TTC27: variants seen among roughly 807,000 people sequenced by gnomAD.
TTC27 encodes the protein tetratricopeptide repeat protein 27.
A neutral mutation model predicts 115.9 loss-of-function variants in TTC27; 79 were observed. That is an observed-to-expected ratio of 0.68 (90% CI 0.57 to 0.82). The LOEUF (loss-of-function observed/expected upper bound fraction) is 0.82. Among genes scored for constraint, TTC27 ranks in the 40% least tolerant of loss-of-function variants. The pLI is 0.00. For synonymous variants in TTC27, 401 were observed against 356.0 expected, an observed-to-expected ratio of 1.13 and a Z score of -1.42; for missense variants, 1,054 against 993.1, an observed-to-expected ratio of 1.06 and a Z score of -0.82.
At chr2:32,785,474 C>T (rs1362348117) in intron 15 of TTC27, among the ~76,000 whole-genome samples, 1 of 148,164 alleles carries the variant, frequency 6.7e-6, no homozygotes, top group Non-Finnish European at 1.5e-5. Context: ...ATTCTTTCCT[C>T]TCTTTCCAGC....
intron 12 of TTC27, among the ~76,000 whole-genome samples, chr2:32,744,293 T>TA (rs959135135): frequency 1.3e-5 from 2 of 152,214 alleles, no homozygotes; most frequent in African/African-American, 4.8e-5. Context: ...ACACTTTTAA[T>TA]AAAAAATCCA....
chr2:32,717,385 G>A (rs1035506569), intron 10 of TTC27, among the ~76,000 whole-genome samples: 3 of 152,196 alleles, frequency 2.0e-5, no homozygotes, highest in Admixed American at 2.0e-4. Context: ...GACCCATGGA[G>A]AAGGAAATGC....
intron 6 of TTC27, among the ~76,000 whole-genome samples, chr2:32,665,722 C>G (rs1559195369): frequency 6.6e-6 from 1 of 151,978 alleles, no homozygotes; most frequent in Non-Finnish European, 1.5e-5. Flanking sequence ...GCAAAACCCG[C>G]CTCACTAAAA....
At chr2:32,746,849 A>C (rs1668849975) in intron 12 of TTC27, among the ~76,000 whole-genome samples, 2 of 152,184 alleles carry the variant, frequency 1.3e-5, no homozygotes, top group Non-Finnish European at 2.9e-5. Flanking sequence ...TGAGGAATGC[A>C]ATATGACTAG....
chr2:32,773,076 T>A (rs142569282), intron 13 of TTC27, among the ~76,000 whole-genome samples: 198 of 152,356 alleles, frequency 1.3e-3, no homozygotes, highest in African/African-American at 4.5e-3. Context: ...TTGTGAATTA[T>A]TTTTAAAATA....
chr2:32,632,914 A>C (rs1664270381), intron 2 of TTC27, among the ~76,000 whole-genome samples: 1 of 152,232 alleles, frequency 6.6e-6, no homozygotes, highest in African/African-American at 2.4e-5. Flanking sequence ...GTTGGAAAAA[A>C]ACAAACATGA....
chr2:32,664,253 A>G lies in TTC27; in HGVS notation c.641-50A>G, dbSNP rs1273186490. 1.3e-5 allele frequency: 20 copies of G among 1,495,346 alleles called. No homozygotes were observed. In the East Asian group the frequency reaches 3.7e-4, roughly 27 times the overall value. The allele number at this position is 1,495,346 out of a possible 1,614,324, so 92.6% of individuals were successfully genotyped here. ...TATAGACTCTATTTTACACATTAATATATTTTTCTTCTCATCATAACTTTT... is the reference window on the plus strand; with the variant it reads ...TATAGACTCTATTTTACACATTAATGTATTTTTCTTCTCATCATAACTTTT... On this transcript the variant is annotated intron_variant, in intron 5 of 19. Coordinates refer to ENST00000317907, the MANE Select transcript of TTC27 (RefSeq NM_017735.5).
intron 4 of TTC27, among the ~76,000 whole-genome samples, chr2:32,640,991 A>G (rs1664625558): frequency 6.6e-6 from 1 of 152,090 alleles, no homozygotes; most frequent in Admixed American, 6.6e-5. Flanking sequence ...CAAAAACAAA[A>G]CAAAACAACA....
At chr2:32,736,670 A>G in intron 11 of TTC27, 24 bp from the exon 12 acceptor site, 1 of 1,613,388 alleles carries the variant, frequency 6.2e-7, no homozygotes, top group Non-Finnish European at 8.5e-7. Flanking sequence ...AGAAGTATTA[A>G]TTATTTTTAC....
At chr2:32,750,314 A>G (rs528753208) in intron 12 of TTC27, among the ~76,000 whole-genome samples, 1 of 152,370 alleles carries the variant, frequency 6.6e-6, no homozygotes, top group South Asian at 2.1e-4. Context: ...AGGACAAGGT[A>G]TACACACAGA....
At chr2:32,766,510 C>T in intron 13 of TTC27, 1 of 455,088 alleles carries the variant, frequency 2.2e-6, no homozygotes, top group Non-Finnish European at 4.5e-6. Context: ...AGGAGAGTAG[C>T]TGGTCAGTGG....
intron 5 of TTC27, among the ~76,000 whole-genome samples, chr2:32,657,891 A>T (rs1349841083): frequency 2.0e-5 from 3 of 151,910 alleles, no homozygotes; most frequent in Admixed American, 6.6e-5. Flanking sequence ...GTGCAATGGC[A>T]CTATCTCAGC....
intron 9 of TTC27, among the ~76,000 whole-genome samples, chr2:32,695,592 G>T (rs569254449): frequency 6.6e-6 from 1 of 151,688 alleles, no homozygotes; most frequent in African/African-American, 2.4e-5. Context: ...GGTGGTGCGT[G>T]CCTGCAGTCC....
intron 17 of TTC27, among the ~76,000 whole-genome samples, chr2:32,812,236 T>G (rs1160537544): frequency 6.6e-6 from 1 of 152,196 alleles, no homozygotes; most frequent in Admixed American, 6.5e-5. Flanking sequence ...AATCTGTATA[T>G]TTACAGATTT....
At chr2:32,638,666 C>G (rs985250196) in intron 3 of TTC27, among the ~76,000 whole-genome samples, 11 of 152,348 alleles carry the variant, frequency 7.2e-5, no homozygotes, top group African/African-American at 2.4e-4. Context: ...GCATGAGCCA[C>G]TGTGCCCGGC....
intron 5 of TTC27, among the ~76,000 whole-genome samples, chr2:32,663,366 G>C (rs560196788): frequency 6.6e-6 from 1 of 152,262 alleles, no homozygotes; most frequent in South Asian, 2.1e-4. Context: ...TAGTATCTGG[G>C]TCAGAATGCA....
At chr2:32,781,500 T>C (rs220651) in intron 14 of TTC27, among the ~76,000 whole-genome samples, 150,375 of 152,290 alleles carry the variant, frequency 0.99, 74,247 homozygotes, top group East Asian at 1. Context: ...ATTCTGTTCT[T>C]TTAAGGAAGA....
At chr2:32,781,575 G>T (rs1353769626) in intron 14 of TTC27, among the ~76,000 whole-genome samples, 1 of 152,006 alleles carries the variant, frequency 6.6e-6, no homozygotes. Context: ...GCTTGTTAAA[G>T]TGGGTCTGGA....
chr2:32,648,008 T>C (rs554192855), intron 4 of TTC27, among the ~76,000 whole-genome samples: 16 of 152,326 alleles, frequency 1.1e-4, no homozygotes, highest in African/African-American at 3.4e-4. Context: ...CACATGTACA[T>C]ATACACACAT....
Sources: allele counts gnomAD v4.1 joint callset (sites outside exome capture counted in the v4.1 genomes callset), GRCh38; gene constraint gnomAD v4.1.1; transcripts MANE v1.5; gene names NCBI Gene and HGNC (gene_info 2026-07-23, HGNC 2026-07-21).